Variants in SLC49A4 observed in about 807,000 individuals in gnomAD.
The protein encoded by SLC49A4 is solute carrier family 49 member 4, also known as disrupted in renal cancer protein 2.
SLC49A4 carries 36 observed loss-of-function variants against 50.6 expected under a neutral mutation model. That is an observed-to-expected ratio of 0.71 (90% CI 0.55 to 0.94). SLC49A4 has a LOEUF of 0.94. Ranked by LOEUF, SLC49A4 falls within the 40% of genes least tolerant of loss-of-function variation. SLC49A4 has a pLI of 0.00. For missense variants in SLC49A4, 503 were observed against 605.7 expected, an observed-to-expected ratio of 0.83 and a Z score of 1.78; for synonymous variants, 248 against 241.2, an observed-to-expected ratio of 1.03 and a Z score of -0.26.
intron 2 of SLC49A4, among the ~76,000 whole-genome samples, chr3:122,818,899 C>T (rs988977444): frequency 6.6e-6 from 1 of 151,470 alleles, no homozygotes; most frequent in Non-Finnish European, 1.5e-5. Context: ...GCTGAAATCA[C>T]ACCACTGCAC....
intron 6 of SLC49A4, among the ~76,000 whole-genome samples, chr3:122,859,150 A>G (rs903885950): frequency 6.6e-6 from 1 of 152,244 alleles, no homozygotes; most frequent in Non-Finnish European, 1.5e-5. Context: ...CACTGAGCCC[A>G]GAGGGCCTTG....
At chr3:122,805,078 G>A (rs545528399) in intron 1 of SLC49A4, among the ~76,000 whole-genome samples, 3 of 151,988 alleles carry the variant, frequency 2.0e-5, no homozygotes, top group Non-Finnish European at 4.4e-5. Flanking sequence ...TATCTCGTAG[G>A]GTACCCAGTA....
chr3:122,854,438 A>C (rs1024428677), intron 5 of SLC49A4, among the ~76,000 whole-genome samples: 2 of 152,252 alleles, frequency 1.3e-5, no homozygotes, highest in African/African-American at 2.4e-5. Context: ...AATCTAGGAC[A>C]GTTGTCCAGT....
At chr3:122,822,346 G>A (rs1560204822) in intron 2 of SLC49A4, among the ~76,000 whole-genome samples, 1 of 152,200 alleles carries the variant, frequency 6.6e-6, no homozygotes, top group Non-Finnish European at 1.5e-5. Flanking sequence ...ATGTGTGAAA[G>A]TGGAGAGACT....
chr3:122,860,753 TATC>T (rs1269418845), intron 7 of SLC49A4, among the ~76,000 whole-genome samples: 2 of 152,254 alleles, frequency 1.3e-5, no homozygotes, highest in African/African-American at 2.4e-5. Flanking sequence ...TCATTATTAA[TATC>T]ATCAATTCAG....
chr3:122,826,644 T>C (rs1936532343), intron 2 of SLC49A4, among the ~76,000 whole-genome samples, 156 bp from the exon 3 acceptor site: 1 of 152,220 alleles, frequency 6.6e-6, no homozygotes, highest in African/African-American at 2.4e-5. Flanking sequence ...ATACCTGTTT[T>C]AGAAGGTAAA....
At chr3:122,834,205 C>T (rs1416154143) in intron 4 of SLC49A4, among the ~76,000 whole-genome samples, 1 of 152,106 alleles carries the variant, frequency 6.6e-6, no homozygotes, top group Non-Finnish European at 1.5e-5. Context: ...GTTCCTCTCC[C>T]CAGATGGTAA....
At chr3:122,878,590 G>T (rs759884731) in intron 8 of SLC49A4, among the ~76,000 whole-genome samples, 5 of 152,282 alleles carry the variant, frequency 3.3e-5, no homozygotes, top group Middle Eastern at 6.8e-3. Context: ...AACAACAACA[G>T]AATTGCCCAT....
At chr3:122,839,997 GC>G (rs1936745636) in intron 4 of SLC49A4, among the ~76,000 whole-genome samples, 1 of 152,130 alleles carries the variant, frequency 6.6e-6, no homozygotes, top group Non-Finnish European at 1.5e-5. Flanking sequence ...CAACCTAAGT[GC>G]CCATTGACCA....
intron 6 of SLC49A4, among the ~76,000 whole-genome samples, chr3:122,858,608 A>G (rs1392703813): frequency 6.6e-6 from 1 of 151,334 alleles, no homozygotes; most frequent in Non-Finnish European, 1.5e-5. Flanking sequence ...AACATGATTA[A>G]CCATATCATG....
chr3:122,815,984 A>ATGGAAATG (rs1292445563), intron 2 of SLC49A4, among the ~76,000 whole-genome samples: 1 of 152,192 alleles, frequency 6.6e-6, no homozygotes, highest in Non-Finnish European at 1.5e-5. Context: ...GGTAGGTTCC[A>ATGGAAATG]TGGAAATGTA....
intron 1 of SLC49A4, among the ~76,000 whole-genome samples, chr3:122,798,531 C>A (rs1252143046): frequency 1.3e-5 from 2 of 150,968 alleles, no homozygotes; most frequent in Non-Finnish European, 2.9e-5. Flanking sequence ...TAGAAGAAAG[C>A]AAATACACTT....
intron 7 of SLC49A4, among the ~76,000 whole-genome samples, chr3:122,867,874 G>A (rs1279704231): frequency 1.3e-5 from 2 of 151,846 alleles, no homozygotes; most frequent in Non-Finnish European, 2.9e-5. Flanking sequence ...CCAGCACTTT[G>A]GGAGGCCAAG....
At chr3:122,859,999 G>A (rs1937037778) in intron 6 of SLC49A4, 76 bp from the exon 7 acceptor site, 3 of 1,206,984 alleles carry the variant, frequency 2.5e-6, no homozygotes, top group South Asian at 4.9e-5. Flanking sequence ...TCAAGTAGTT[G>A]TTAGTGAAAG....
intron 3 of SLC49A4, among the ~76,000 whole-genome samples, chr3:122,832,346 T>C (rs1560212342): frequency 6.6e-6 from 1 of 152,226 alleles, no homozygotes; most frequent in Non-Finnish European, 1.5e-5. Flanking sequence ...GAGGGAAAGA[T>C]TGGGATGCTA....
rs774154531 is a variant in SLC49A4 at position 122,872,424 on chromosome 3, A to G, written c.1148A>G (p.Tyr383Cys). 4.4e-6 allele frequency: 7 copies of G among 1,605,952 alleles called. No individual in the cohort carries two copies. The African/African-American group carries it at 5.4e-5, about 12-fold the overall frequency. ...TGTGTTTTTATTTTAGTGACATTGT[A>G]TGCCTCCTGTATTCTCCTGGGAGTG... The part of the protein sequence containing the change: ...THLPLTTVTL[Y>C]ASCILLGVFL... The change falls in exon 8 of 9, where the codon TAT becomes TGT. Residue 383 changes from tyrosine (Y) to cysteine (C), a missense_variant. Coordinates refer to ENST00000261038, the MANE Select transcript of SLC49A4 (RefSeq NM_032839.3).
intron 2 of SLC49A4, among the ~76,000 whole-genome samples, chr3:122,819,152 G>C (rs1350594735): frequency 6.6e-6 from 1 of 151,478 alleles, no homozygotes; most frequent in African/African-American, 2.4e-5. Flanking sequence ...GGCTGAAGTG[G>C]GAGGATCACT....
intron 4 of SLC49A4, among the ~76,000 whole-genome samples, chr3:122,844,167 C>A (rs1936817201): frequency 6.6e-6 from 1 of 152,176 alleles, no homozygotes; most frequent in Non-Finnish European, 1.5e-5. Context: ...GTGATCATAG[C>A]ACACAGTAAC....
At chr3:122,833,550 A>G (rs1242388209) in intron 4 of SLC49A4, 104 bp downstream of exon 4, 11 of 1,086,164 alleles carry the variant, frequency 1.0e-5, no homozygotes, top group Non-Finnish European at 1.3e-5. Context: ...CAACCTATTA[A>G]TTAGGTTGTA....
Sources: gnomAD v4.1 joint callset for allele counts (sites outside exome capture counted in the v4.1 genomes callset) on GRCh38, gnomAD v4.1.1 for gene constraint, MANE v1.5 for transcripts, NCBI Gene and HGNC (gene_info 2026-07-23, HGNC 2026-07-21) for gene names.